Variants in RARB observed in about 807,000 individuals in gnomAD.
RARB encodes the protein HBV-activated protein.
Under a neutral mutation model 51.9 loss-of-function variants are expected in RARB, and 17 were observed. The ratio of observed to expected loss-of-function variants is 0.33; its 90% confidence interval spans 0.22 to 0.49. RARB has a LOEUF of 0.49. RARB is among the 20% of genes least tolerant of loss of function. The probability of loss-of-function intolerance (pLI) is 0.99; values close to 1 mark genes in which losing one functional copy is unlikely to be tolerated. For missense variants in RARB, 369 were observed against 550.8 expected (o/e 0.67, Z 3.30); for synonymous variants, 215 against 195.4 (o/e 1.10, Z -0.84).
chr3:25,203,585 A>C (rs1245157761), intron 5 of RARB, among the ~76,000 whole-genome samples: 1 of 151,964 alleles, frequency 6.6e-6, no homozygotes, highest in Non-Finnish European at 1.5e-5. Flanking sequence ...GTTCCTTTCC[A>C]TGTTTAGTGC....
chr3:25,177,878 T>C (rs1165763393), intron 5 of RARB, among the ~76,000 whole-genome samples: 1 of 152,192 alleles, frequency 6.6e-6, no homozygotes, highest in Non-Finnish European at 1.5e-5. Context: ...GAACAGACTT[T>C]TATTATATAT....
chr3:25,329,831 G>C (rs982491261), intron 5 of RARB, among the ~76,000 whole-genome samples: 1 of 152,094 alleles, frequency 6.6e-6, no homozygotes, highest in Admixed American at 6.5e-5. Context: ...TGGCCTGATG[G>C]AGCTAAAAAC....
At chr3:25,510,077 C>T (rs969877606) in intron 3 of RARB, among the ~76,000 whole-genome samples, 1 of 152,192 alleles carries the variant, frequency 6.6e-6, no homozygotes, top group Non-Finnish European at 1.5e-5. Context: ...CTAATGGCAA[C>T]AGCCCCAAGA....
intron 1 of RARB, chr3:25,458,181 G>A (rs1436076014): frequency 6.6e-6 from 1 of 152,216 alleles, no homozygotes; most frequent in Non-Finnish European, 1.5e-5. Flanking sequence ...GATGTGGTGA[G>A]ATTAGCTACA....
intron 2 of RARB, among the ~76,000 whole-genome samples, chr3:24,975,726 A>G (rs1014168604): frequency 6.6e-6 from 1 of 151,974 alleles, no homozygotes; most frequent in African/African-American, 2.4e-5. Context: ...TATTTTTGTC[A>G]TGCTGCTGCT....
chr3:25,112,738 A>G (rs1465899032), intron 3 of RARB, among the ~76,000 whole-genome samples: 2 of 152,184 alleles, frequency 1.3e-5, no homozygotes, highest in South Asian at 2.1e-4. Context: ...TAATAGCACC[A>G]CTGCACTCCA....
intron 3 of RARB, among the ~76,000 whole-genome samples, chr3:25,531,723 T>TAAAAAAAAAAAAAAAAAAAAAAAAACAAA (rs5847361): frequency 7.4e-6 from 1 of 134,496 alleles, no homozygotes; most frequent in Non-Finnish European, 1.6e-5. Context: ...ATAGACACTT[T>TAAAAAAAAAAAAAAAAAAAAAAAAACAAA]AAAAAAAAAA....
At chr3:25,328,192 C>T (rs779004657) in intron 5 of RARB, among the ~76,000 whole-genome samples, 5 of 152,156 alleles carry the variant, frequency 3.3e-5, no homozygotes, top group African/African-American at 4.8e-5. Flanking sequence ...ATTTGGCAAC[C>T]TAGAGATCAG....
At chr3:25,309,649 C>T (rs888706770) in intron 5 of RARB, among the ~76,000 whole-genome samples, 2 of 151,328 alleles carry the variant, frequency 1.3e-5, no homozygotes, top group Admixed American at 1.3e-4. Context: ...AGGTGCGCAC[C>T]ACCACACCTG....
At chr3:25,270,961 T>C (rs1486688298) in intron 5 of RARB, among the ~76,000 whole-genome samples, 4 of 152,258 alleles carry the variant, frequency 2.6e-5, no homozygotes, top group Non-Finnish European at 5.9e-5. Context: ...TTTATTCCTG[T>C]GTTCTCTCCT....
chr3:25,066,205 A>G (rs759827522), intron 3 of RARB, among the ~76,000 whole-genome samples: 3 of 152,050 alleles, frequency 2.0e-5, no homozygotes, highest in African/African-American at 4.8e-5. Flanking sequence ...TTGATAAAAC[A>G]TGCTTTCAAT....
At chr3:25,318,065 C>T (rs1476183536) in intron 5 of RARB, among the ~76,000 whole-genome samples, 1 of 152,178 alleles carries the variant, frequency 6.6e-6, no homozygotes, top group Non-Finnish European at 1.5e-5. Flanking sequence ...ATGAGTTCCT[C>T]CAGCAAAATT....
At chr3:25,264,044 C>T (rs540703010) in intron 5 of RARB, among the ~76,000 whole-genome samples, 1 of 151,994 alleles carries the variant, frequency 6.6e-6, no homozygotes, top group South Asian at 2.1e-4. Context: ...CTCCCATGCT[C>T]ATATCAGCAG....
chr3:25,211,161 G>T (rs1575223577), intron 5 of RARB, among the ~76,000 whole-genome samples: 2 of 152,116 alleles, frequency 1.3e-5, no homozygotes, highest in Non-Finnish European at 2.9e-5. Context: ...TGAAAATATG[G>T]TCTTGTTACC....
chr3:25,174,561 C>A, exon 5 of RARB: 3 of 1,352,120 alleles, frequency 2.2e-6, no homozygotes, highest in African/African-American at 1.5e-5. Flanking sequence ...GGATGCAGCA[C>A]CCCGTCGCCG....
intron 4 of RARB, among the ~76,000 whole-genome samples, chr3:25,140,098 G>GGTTT (rs147314913): frequency 3.5e-4 from 52 of 150,456 alleles, no homozygotes; most frequent in African/African-American, 1.3e-3. Flanking sequence ...TTTTTTTGTT[G>GGTTT]GTTTGTTTGT....
At chr3:24,937,628 G>A (rs1331102336) in intron 2 of RARB, among the ~76,000 whole-genome samples, 1 of 152,100 alleles carries the variant, frequency 6.6e-6, no homozygotes, top group East Asian at 1.9e-4. Flanking sequence ...TTTTTCTGTG[G>A]TTTGGCTTAA....
intron 5 of RARB, among the ~76,000 whole-genome samples, chr3:25,257,855 A>T (rs764512080): frequency 6.6e-6 from 1 of 152,020 alleles, no homozygotes; most frequent in African/African-American, 2.4e-5. Flanking sequence ...ATACCATCCG[A>T]CATTCTCAGC....
At chr3:25,282,246 T>C (rs115647841) in intron 5 of RARB, among the ~76,000 whole-genome samples, 2 of 152,194 alleles carry the variant, frequency 1.3e-5, no homozygotes, top group African/African-American at 2.4e-5. Context: ...GACTGCTTCC[T>C]CTTCTTCAAA....
Sources: allele counts gnomAD v4.1 joint callset (sites outside exome capture counted in the v4.1 genomes callset), GRCh38; gene constraint gnomAD v4.1.1; transcripts MANE v1.5; gene names NCBI Gene and HGNC (gene_info 2026-07-23, HGNC 2026-07-21).